OR2L13: variants seen among roughly 807,000 people sequenced by gnomAD.
The protein encoded by OR2L13 is olfactory receptor 2L13.
In OR2L13, 14 loss-of-function variants were observed where a neutral mutation model predicts 15.3. That is an observed-to-expected ratio of 0.91 (90% CI 0.60 to 1.43). The LOEUF is 1.43. OR2L13 is among the 40% of genes most tolerant of loss of function. The pLI, the probability that OR2L13 is intolerant of heterozygous loss-of-function variation, is 0.00. For synonymous variants in OR2L13, 152 were observed against 142.9 expected (o/e 1.06, Z -0.45); for missense variants, 367 against 387.9 (o/e 0.95, Z 0.45).
chr1:247,940,660 G>T, the OR2L13 span, among the ~76,000 whole-genome samples: 2 of 152,140 alleles, frequency 1.3e-5, no homozygotes, highest in Admixed American at 1.3e-4. Context: ...GTTGTGAATA[G>T]TGCAGCAATG....
chr1:248,016,659 T>TA, the OR2L13 span, among the ~76,000 whole-genome samples: 1 of 152,092 alleles, frequency 6.6e-6, no homozygotes, highest in Non-Finnish European at 1.5e-5. Context: ...ATGTACTGCC[T>TA]AAAAATATTT....
the OR2L13 span, among the ~76,000 whole-genome samples, chr1:248,004,319 G>A: frequency 6.6e-6 from 1 of 152,246 alleles, no homozygotes; most frequent in Middle Eastern, 3.4e-3. Flanking sequence ...CAATGAGAAT[G>A]TTTGTTTTTA....
the OR2L13 span, among the ~76,000 whole-genome samples, chr1:247,971,914 A>G: frequency 6.6e-6 from 1 of 152,218 alleles, no homozygotes. Context: ...GTAATAGCAA[A>G]CAGTCTCTGA....
the OR2L13 span, among the ~76,000 whole-genome samples, chr1:248,070,802 T>C: frequency 3.9e-5 from 6 of 152,160 alleles, no homozygotes; most frequent in Non-Finnish European, 1.5e-5. Context: ...ATATCACCAC[T>C]GATCCCACAG....
At chr1:247,941,194 G>T in the OR2L13 span, among the ~76,000 whole-genome samples, 1 of 152,098 alleles carries the variant, frequency 6.6e-6, no homozygotes, top group Non-Finnish European at 1.5e-5. Context: ...CTATTCTGTA[G>T]GTTGGCTGTT....
At chr1:247,989,010 A>G in the OR2L13 span, among the ~76,000 whole-genome samples, 107 of 152,248 alleles carry the variant, frequency 7.0e-4, 1 homozygote, top group East Asian at 0.017. Context: ...TACACATTCT[A>G]TTGGGGAGAG....
At chr1:248,090,376 A>G (rs988991809), upstream of OR2L13, among the ~76,000 whole-genome samples, 38 of 151,828 alleles carry the variant, frequency 2.5e-4, no homozygotes, top group African/African-American at 9.2e-4. Flanking sequence ...GGTTTCATGT[A>G]CAGATTATTT....
chr1:247,998,877 T>C, the OR2L13 span, among the ~76,000 whole-genome samples: 1 of 151,958 alleles, frequency 6.6e-6, no homozygotes, highest in African/African-American at 2.4e-5. Flanking sequence ...AATATCTGCC[T>C]TAACAACCAC....
chr1:248,070,417 T>C, the OR2L13 span, among the ~76,000 whole-genome samples: 2 of 152,134 alleles, frequency 1.3e-5, no homozygotes, highest in African/African-American at 4.8e-5. Context: ...AAGATGTTCT[T>C]TGAAAACAAC....
the OR2L13 span, among the ~76,000 whole-genome samples, chr1:248,071,322 A>G: frequency 7.0e-4 from 106 of 152,242 alleles, 1 homozygote; most frequent in Middle Eastern, 0.024. Flanking sequence ...CTGCTTCAAT[A>G]TATGCAAATC....
the OR2L13 span, among the ~76,000 whole-genome samples, chr1:248,020,203 A>G: frequency 3.3e-5 from 5 of 152,284 alleles, no homozygotes; most frequent in East Asian, 9.7e-4. Flanking sequence ...CCTCTTCCAC[A>G]TAGTACTGGA....
the OR2L13 span, chr1:247,965,885 G>A: frequency 1.9e-6 from 3 of 1,613,648 alleles, no homozygotes; most frequent in Non-Finnish European, 2.5e-6. Context: ...CCATTCTGTA[G>A]GTCTCGGCTC....
chr1:247,998,579 T>A, the OR2L13 span, among the ~76,000 whole-genome samples: 1 of 152,128 alleles, frequency 6.6e-6, no homozygotes, highest in Non-Finnish European at 1.5e-5. Flanking sequence ...TAGAAAGTAC[T>A]AGTGTTGTCT....
the OR2L13 span, among the ~76,000 whole-genome samples, chr1:248,077,975 A>G: frequency 2.6e-5 from 4 of 152,238 alleles, no homozygotes; most frequent in Non-Finnish European, 5.9e-5. Flanking sequence ...AAATGATAAA[A>G]GACATTAAGA....
chr1:248,064,147 C>T, the OR2L13 span, among the ~76,000 whole-genome samples: 1 of 152,206 alleles, frequency 6.6e-6, no homozygotes, highest in African/African-American at 2.4e-5. Context: ...GTGTTGCTAT[C>T]CTCCCAAAAT....
the OR2L13 span, among the ~76,000 whole-genome samples, chr1:248,080,136 T>C: frequency 6.6e-6 from 1 of 152,156 alleles, no homozygotes; most frequent in Non-Finnish European, 1.5e-5. Flanking sequence ...GATACATATT[T>C]TTTTTTACAT....
At chr1:247,982,238 G>T in the OR2L13 span, among the ~76,000 whole-genome samples, 1 of 152,192 alleles carries the variant, frequency 6.6e-6, no homozygotes, top group Non-Finnish European at 1.5e-5. Context: ...GTGGAAAACT[G>T]CAGTATCTGG....
At chr1:248,046,574 C>G in the OR2L13 span, among the ~76,000 whole-genome samples, 1 of 152,166 alleles carries the variant, frequency 6.6e-6, no homozygotes, top group Non-Finnish European at 1.5e-5. Context: ...GATCAGAACT[C>G]ATATCTGAAC....
At chr1:248,042,352 T>C in the OR2L13 span, 2 of 94,928 alleles carry the variant, frequency 2.1e-5, no homozygotes, top group Non-Finnish European at 4.0e-5. Context: ...CTGGGGACTG[T>C]TGTGGGGTGG....
Sources: allele counts gnomAD v4.1 joint callset (sites outside exome capture counted in the v4.1 genomes callset), GRCh38; gene constraint gnomAD v4.1.1; transcripts MANE v1.5; gene names NCBI Gene and HGNC (gene_info 2026-07-23, HGNC 2026-07-21).